The following ZZEF1 variants were observed in gnomAD, a reference collection of about 807,000 sequenced individuals.
The protein encoded by ZZEF1 is zinc finger ZZ-type and EF-hand domain containing 1, also known as zinc finger ZZ-type and EF-hand domain-containing protein 1.
In ZZEF1, 157 loss-of-function variants were observed where a neutral mutation model predicts 342.8. That is an observed-to-expected ratio of 0.46 (90% CI 0.40 to 0.52). The LOEUF (loss-of-function observed/expected upper bound fraction) is 0.52, where lower values mean the gene tolerates loss of function less well. ZZEF1 is among the 20% of genes least tolerant of loss of function. The pLI is 0.00. For missense variants in ZZEF1, 3,480 were observed against 3,725.6 expected (o/e 0.93, Z 1.72); for synonymous variants, 1,505 against 1,429.1 (o/e 1.05, Z -1.20).
intron 42 of ZZEF1, among the ~76,000 whole-genome samples, chr17:4,028,456 G>A (rs1290009475): frequency 1.3e-5 from 2 of 151,370 alleles, no homozygotes; most frequent in African/African-American, 4.9e-5. Context: ...GCTGAGGCAG[G>A]AGAACTGCTT....
chr17:4,135,381 CAGG>C (rs1477394786), intron 1 of ZZEF1, among the ~76,000 whole-genome samples: 3 of 152,078 alleles, frequency 2.0e-5, no homozygotes, highest in South Asian at 2.1e-4. Flanking sequence ...GAGGCTGAGG[CAGG>C]AGAATTCCTT....
chr17:4,101,316 G>C (rs2058123124), intron 9 of ZZEF1, among the ~76,000 whole-genome samples: 1 of 151,882 alleles, frequency 6.6e-6, no homozygotes, highest in African/African-American at 2.4e-5. Flanking sequence ...GAAAGCCGAG[G>C]AGAACCAGAC....
chr17:4,139,770 T>C (rs1205983012), intron 1 of ZZEF1, among the ~76,000 whole-genome samples: 1 of 152,226 alleles, frequency 6.6e-6, no homozygotes, highest in Non-Finnish European at 1.5e-5. Context: ...CTCACAGAAC[T>C]GTATGACCTA....
At chr17:4,124,257 T>C (rs980688567) in intron 1 of ZZEF1, among the ~76,000 whole-genome samples, 1 of 152,246 alleles carries the variant, frequency 6.6e-6, no homozygotes, top group Non-Finnish European at 1.5e-5. Flanking sequence ...ACACATCTTA[T>C]TTGTATTCCA....
chr17:4,064,826 T>A lies in ZZEF1; in HGVS notation c.4253A>T (p.Lys1418Ile). ...ATEVNPESLA[K>I]ECIEKSLLLL... ...TAGAAGACTCTTCTCAATGCACTCT[T>A]TTGCTAGATGCAAACAAGAATCATA... The change falls in exon 29 of 55, where the codon AAA (lysine) becomes ATA (isoleucine). Residue 1418 changes from lysine to isoleucine, a missense_variant. Physicochemically the swap from Lys to Ile is moderately radical, Grantham distance 102 (BLOSUM62 -3). Transcript: ENST00000381638. 2 of 1,568,374 alleles carry A rather than the reference T, an allele frequency of 1.3e-6. No homozygotes were observed. Among genetic ancestry groups the A allele is most frequent in the Non-Finnish European group, 1.7e-6 (2 of 1,160,318 alleles).
Position 4,008,631 on chromosome 17 carries a change from C to A in ZZEF1, c.8805+252G>T. On this transcript the variant is annotated intron_variant, in intron 54 of 54. Transcript: ENST00000381638. This position sits in a 1 kb window ranked among gnomAD's most constrained non-coding sequence, Gnocchi z 4.2. ...AGAATCAGCCAAACTAAATTTAAGG[C>A]ATCGGTTGTTTTGGTTTTAAAGACA... 1 of 1,204,664 alleles carries A rather than the reference C, an allele frequency of 8.3e-7. No homozygotes were observed. 74.6% of individuals were successfully genotyped at this position (1,204,664 alleles called of 1,614,324 possible).
Position 4,032,265 on chromosome 17 carries a change from C to A in ZZEF1, c.6760-7G>T. 1 of 1,607,582 alleles carries A rather than the reference C, an allele frequency of 6.2e-7. No homozygotes were observed. Among genetic ancestry groups the A allele is most frequent in the African/African-American group, 1.3e-5 (1 of 74,618 alleles). On this transcript the variant is annotated splice_polypyrimidine_tract_variant and splice_region_variant and intron_variant, in intron 41 of 54. Transcript: ENST00000381638. ...GGGTTCCCACACAGAGGACCTAGAACGTGGTAGACAGAGACAGAAAGGCAA... is the reference window on the plus strand; with the variant it reads ...GGGTTCCCACACAGAGGACCTAGAAAGTGGTAGACAGAGACAGAAAGGCAA...
At chr17:4,028,650 A>AT (rs1180369477) in intron 42 of ZZEF1, among the ~76,000 whole-genome samples, 1 of 152,154 alleles carries the variant, frequency 6.6e-6, no homozygotes, top group Non-Finnish European at 1.5e-5. Flanking sequence ...ATCAGATTGG[A>AT]TTTTTTAAAA....
chr17:4,123,665 A>G (rs2058526479), intron 2 of ZZEF1, among the ~76,000 whole-genome samples: 1 of 152,140 alleles, frequency 6.6e-6, no homozygotes, highest in Admixed American at 6.6e-5. Context: ...AGTGAAATGA[A>G]GAGATCCAAT....
chr17:4,058,397 T>C (rs760392044), intron 31 of ZZEF1, among the ~76,000 whole-genome samples: 1 of 152,238 alleles, frequency 6.6e-6, no homozygotes, highest in Non-Finnish European at 1.5e-5. Flanking sequence ...GGGTATCTTA[T>C]GGTAAAGAAC....
rs892347010 is a variant in ZZEF1, at chr17:4,081,460, T to C, written c.2745A>G (p.Leu915=). The change falls in exon 18 of 55, where the codon TTA becomes TTG. Residue 915 remains leucine, a synonymous_variant. Coordinates refer to ENST00000381638, the MANE Select transcript of ZZEF1 (RefSeq NM_015113.4). ...TCTTGGCCAGGTCGTTCTTCTCAGGTAAAAGAAGAAGGCCGCCTGGATCCT... is the reference window on the plus strand; with the variant it reads ...TCTTGGCCAGGTCGTTCTTCTCAGGCAAAAGAAGAAGGCCGCCTGGATCCT... ...SDKDPGGLLL[L]PEKNDLAKMN... 5 of 1,613,958 alleles carry C rather than the reference T, an allele frequency of 3.1e-6. No individual in the cohort carries two copies. The African/African-American group carries it at 6.7e-5, about 22-fold the overall frequency.
In ZZEF1 at chr17:4,017,935, T is replaced by C; in HGVS notation, c.7542A>G (p.Ile2514Met). The change falls in exon 47 of 55, where the codon ATA (isoleucine) becomes ATG (methionine). Residue 2514 changes from isoleucine to methionine, a missense_variant. Coordinates refer to ENST00000381638, the MANE Select transcript of ZZEF1 (RefSeq NM_015113.4). The surrounding 1 kb of genome is among the most constrained non-coding windows in gnomAD (Gnocchi z 5.1). Reference sequence around the variant, plus strand: ...GCTGCCACCGCTGAGCCAGGGACCGTATCCTTTCATCTGTGGTGAGCTCAT... The same window carrying C: ...GCTGCCACCGCTGAGCCAGGGACCGCATCCTTTCATCTGTGGTGAGCTCAT... ...DGDELTTDERIRSLAQRWQPS... is the reference protein window; with the variant it reads ...DGDELTTDERMRSLAQRWQPS... The C allele has an allele frequency of 6.2e-7, 1 of 1,614,070 alleles. No individual in the cohort carries two copies. The highest frequency in any genetic ancestry group is 2.2e-5 in the East Asian group (1 of 44,884).
At chr17:4,136,959 G>C (rs1567874724) in intron 1 of ZZEF1, among the ~76,000 whole-genome samples, 1 of 151,988 alleles carries the variant, frequency 6.6e-6, no homozygotes, top group Non-Finnish European at 1.5e-5. Context: ...AACTGGAGTG[G>C]GCTTAGGATG....
In ZZEF1 at chr17:4,076,627, C is replaced by G; in HGVS notation, c.3234+10G>C. 1 of 1,604,354 alleles carries G rather than the reference C, an allele frequency of 6.2e-7. No individual in the cohort carries two copies. The highest frequency in any genetic ancestry group is 1.3e-5 in the African/African-American group (1 of 74,900). ...GAACACGGGGCGGCTCAAGTGCTGA[C>G]TCGAGTTACCTTCCTCAGTCCTCCT... On this transcript the variant is annotated intron_variant, in intron 21 of 54. Transcript: ENST00000381638.
chr17:4,084,032 C>T (rs2057774567), intron 16 of ZZEF1, among the ~76,000 whole-genome samples: 1 of 152,178 alleles, frequency 6.6e-6, no homozygotes, highest in Admixed American at 6.5e-5. Context: ...TTTAACACTT[C>T]TTTCCCTTGT....
chr17:4,080,401 G>A (rs1344793776), intron 18 of ZZEF1, among the ~76,000 whole-genome samples: 3 of 151,894 alleles, frequency 2.0e-5, no homozygotes, highest in Admixed American at 6.6e-5. Context: ...GTGCTATGGC[G>A]CGATCTTGGC....
intron 26 of ZZEF1, among the ~76,000 whole-genome samples, chr17:4,068,230 C>T (rs1412452187): frequency 6.6e-6 from 1 of 152,076 alleles, no homozygotes; most frequent in Admixed American, 6.5e-5. Context: ...TTATTTTAAG[C>T]TTTTCTATAC....
intron 18 of ZZEF1, 107 bp downstream of exon 18, chr17:4,081,269 A>C: frequency 1.1e-6 from 1 of 921,640 alleles, no homozygotes; most frequent in Non-Finnish European, 1.7e-6. Flanking sequence ...AAACCACAAC[A>C]AAGTACATTC....
At chr17:4,130,307 G>A (rs1177960467) in intron 1 of ZZEF1, among the ~76,000 whole-genome samples, 1 of 152,002 alleles carries the variant, frequency 6.6e-6, no homozygotes, top group East Asian at 1.9e-4. Context: ...ACAAAAATTA[G>A]CCGGGCGTGG....
Sources: allele counts gnomAD v4.1 joint callset (sites outside exome capture counted in the v4.1 genomes callset), GRCh38; gene constraint gnomAD v4.1.1; non-coding constraint Gnocchi (gnomAD v3.1); transcripts MANE v1.5; gene names NCBI Gene and HGNC (gene_info 2026-07-23, HGNC 2026-07-21).